CFTR: variants seen among roughly 807,000 people sequenced by gnomAD.
The protein encoded by CFTR is CF transmembrane conductance regulator, also known as cystic fibrosis transmembrane conductance regulator.
Under a neutral mutation model 171.6 loss-of-function variants are expected in CFTR, and 181 were observed. The observed-to-expected ratio is 1.05, with a 90% CI of 0.93 to 1.19. The LOEUF (loss-of-function observed/expected upper bound fraction) is 1.19, where lower values mean the gene tolerates loss of function less well. CFTR is among the 50% of genes most tolerant of loss of function. CFTR has a pLI of 0.00. For synonymous variants in CFTR, 583 were observed against 608.0 expected (o/e 0.96, Z 0.60); for missense variants, 1,968 against 1,734.7 (o/e 1.13, Z -2.39).
chr7:117,570,236 C>CA (rs1236743484), intron 11 of CFTR, among the ~76,000 whole-genome samples: 1 of 148,074 alleles, frequency 6.8e-6, no homozygotes, highest in Non-Finnish European at 1.5e-5. Flanking sequence ...ACCCGAAAAA[C>CA]AAAAAAAGAG....
chr7:117,647,768 A>T, intron 23 of CFTR, among the ~76,000 whole-genome samples: 1 of 151,638 alleles, frequency 6.6e-6, no homozygotes, highest in Non-Finnish European at 1.5e-5. Context: ...TGATCCTCCC[A>T]CCTTGGCCTC....
chr7:117,523,429 T>G (rs1490557766), intron 3 of CFTR, among the ~76,000 whole-genome samples: 3 of 151,370 alleles, frequency 2.0e-5, no homozygotes, highest in African/African-American at 7.3e-5. Context: ...CAGGCTGAAG[T>G]GCAGTGGCGC....
At chr7:117,603,275 A>G (rs1028929252) in intron 16 of CFTR, among the ~76,000 whole-genome samples, 1 of 152,242 alleles carries the variant, frequency 6.6e-6, no homozygotes, top group Admixed American at 6.5e-5. Context: ...CACAATAAAA[A>G]TATTTGAAAT....
intron 11 of CFTR, among the ~76,000 whole-genome samples, chr7:117,580,492 C>G (rs575500220): frequency 6.6e-6 from 1 of 151,882 alleles, no homozygotes; most frequent in South Asian, 2.1e-4. Flanking sequence ...ATAAAGAAAA[C>G]GCATACTTTT....
At chr7:117,529,488 C>A (rs1584784235) in intron 3 of CFTR, among the ~76,000 whole-genome samples, 1 of 121,128 alleles carries the variant, frequency 8.3e-6, no homozygotes, top group African/African-American at 3.7e-5. Context: ...GCACAATGTG[C>A]ACATGTACCC....
chr7:117,540,144 T>G lies in CFTR; in HGVS notation c.914T>G (p.Phe305Cys), dbSNP rs1562892143. 4 of 1,613,690 alleles carry G rather than the reference T, an allele frequency of 2.5e-6. No homozygotes were observed. The highest frequency in any genetic ancestry group is 1.6e-4 in the Middle Eastern group (1 of 6,062). Residue 305 changes from phenylalanine to cysteine, a missense_variant, in exon 8 of 27, where the codon TTC becomes TGC. By Grantham distance (205) the Phe-to-Cys change is radical. Transcript: ENST00000003084. The part of the protein sequence containing the change: ...LTRKAAYVRY[F>C]NSSAFFFSGF... Reference sequence around the variant, plus strand: ...CGGAAGGCAGCCTATGTGAGATACTTCAATAGCTCAGCCTTCTTCTTCTCA... The same window carrying G: ...CGGAAGGCAGCCTATGTGAGATACTGCAATAGCTCAGCCTTCTTCTTCTCA...
Position 117,617,235 on chromosome 7 carries a change from G to A in CFTR, c.3468+2522G>A, listed in dbSNP as rs76846848. Among the ~76,000 whole-genome samples, 5 of 150,584 alleles carry A rather than the reference G, an allele frequency of 3.3e-5. No individual in the cohort carries two copies. The East Asian group carries it at 5.9e-4, about 18-fold the overall frequency. On this transcript the variant is annotated intron_variant, in intron 21 of 26. Coordinates refer to ENST00000003084, the MANE Select transcript of CFTR (RefSeq NM_000492.4). ...GGCCTAGTTTAGACAAAAACACAGA[G>A]TCAAATGTCAACAGAATTCTGAAGT... is the stretch of plus-strand genomic sequence containing the variant.
intron 20 of CFTR, among the ~76,000 whole-genome samples, chr7:117,612,799 C>T (rs1792427454): frequency 6.6e-6 from 1 of 152,048 alleles, no homozygotes; most frequent in South Asian, 2.1e-4. Flanking sequence ...CTATATCTGT[C>T]CTGGGTCCAT....
intron 8 of CFTR, among the ~76,000 whole-genome samples, 198 bp downstream of exon 8, chr7:117,540,544 T>G (rs1319691188): frequency 6.6e-6 from 1 of 152,210 alleles, no homozygotes; most frequent in Non-Finnish European, 1.5e-5. Flanking sequence ...GTATGATGGA[T>G]GAGAGTGGCA....
intron 2 of CFTR, among the ~76,000 whole-genome samples, chr7:117,508,209 C>A (rs891414685): frequency 4.6e-5 from 7 of 152,190 alleles, no homozygotes; most frequent in Non-Finnish European, 1.0e-4. Flanking sequence ...TGAAATTTTT[C>A]ATCTCTGTAC....
intron 23 of CFTR, among the ~76,000 whole-genome samples, chr7:117,648,427 C>T (rs994362171): frequency 1.3e-5 from 2 of 152,174 alleles, no homozygotes; most frequent in Non-Finnish European, 2.9e-5. Flanking sequence ...CAAGCTGTAG[C>T]AAAAAGGTTT....
At chr7:117,529,811 T>C (rs1798830006) in intron 3 of CFTR, among the ~76,000 whole-genome samples, 1 of 152,150 alleles carries the variant, frequency 6.6e-6, no homozygotes, top group South Asian at 2.1e-4. Context: ...GAATAATGCT[T>C]GGCAATACCA....
chr7:117,562,410 C>A (rs368454194), intron 11 of CFTR, among the ~76,000 whole-genome samples: 27 of 152,174 alleles, frequency 1.8e-4, no homozygotes, highest in African/African-American at 5.8e-4. Context: ...TAAAGATGGT[C>A]ACTTATAAAT....
intron 9 of CFTR, among the ~76,000 whole-genome samples, chr7:117,546,470 A>G (rs1003977944): frequency 6.6e-6 from 1 of 152,152 alleles, no homozygotes; most frequent in African/African-American, 2.4e-5. Flanking sequence ...AAATATACAT[A>G]TTTATTAAAT....
intron 23 of CFTR, among the ~76,000 whole-genome samples, chr7:117,650,903 T>G (rs994618047): frequency 6.6e-6 from 1 of 152,186 alleles, no homozygotes; most frequent in East Asian, 1.9e-4. Flanking sequence ...ACAAAGGATT[T>G]GAGCCATTTT....
At chr7:117,539,421 G>T (rs982571490) in intron 7 of CFTR, among the ~76,000 whole-genome samples, 13 of 145,772 alleles carry the variant, frequency 8.9e-5, no homozygotes, top group African/African-American at 3.0e-4. Flanking sequence ...AACCACTTGG[G>T]TTTTTTTTTT....
At chr7:117,513,818 A>G (rs1040167771) in intron 3 of CFTR, among the ~76,000 whole-genome samples, 3 of 152,082 alleles carry the variant, frequency 2.0e-5, no homozygotes, top group Non-Finnish European at 2.9e-5. Context: ...CTCTAACCCT[A>G]GAGTGACACT....
chr7:117,593,718 C>G (rs2116036874), intron 14 of CFTR, among the ~76,000 whole-genome samples: 1 of 152,200 alleles, frequency 6.6e-6, no homozygotes, highest in African/African-American at 2.4e-5. Flanking sequence ...GCCTCAGCCT[C>G]CTGAGTAGCT....
intron 22 of CFTR, 39 bp from the exon 23 acceptor site, chr7:117,642,399 A>G (rs760993352): frequency 9.7e-5 from 152 of 1,574,018 alleles, no homozygotes; most frequent in Non-Finnish European, 1.3e-4. Flanking sequence ...CATGGTACCT[A>G]TATGTCACAG....
Sources: gnomAD v4.1 joint callset for allele counts (sites outside exome capture counted in the v4.1 genomes callset) on GRCh38, gnomAD v4.1.1 for gene constraint, MANE v1.5 for transcripts, NCBI Gene and HGNC (gene_info 2026-07-23, HGNC 2026-07-21) for gene names.